TMC5: variants seen among roughly 807,000 people sequenced by gnomAD.
The protein encoded by TMC5 is transmembrane channel like 5.
A neutral mutation model predicts 110.5 loss-of-function variants in TMC5; 86 were observed. The observed-to-expected ratio is 0.78, with a 90% confidence interval of 0.65 to 0.93. TMC5 has a LOEUF of 0.93. Among genes scored for constraint, TMC5 ranks in the 40% least tolerant of loss-of-function variants. The probability of loss-of-function intolerance (pLI) is 0.00; values close to 1 mark genes in which losing one functional copy is unlikely to be tolerated. For missense variants in TMC5, 1,144 were observed against 1,222.8 expected (o/e 0.94, Z 0.96); for synonymous variants, 455 against 439.5 (o/e 1.04, Z -0.44).
At position 19,453,521 on chromosome 16, in the gene TMC5, G is replaced by A. The variant is rs370242223; in HGVS notation, c.1048+3890G>A. Among the ~76,000 whole-genome samples, 7 of 151,922 alleles carry A rather than the reference G, an allele frequency of 4.6e-5. 1 individual carries two copies. The highest frequency in any genetic ancestry group is 1.2e-4 in the African/African-American group (5 of 41,446). ...GGAGAATCACTTGAACCCGGGAGGC[G>A]GAGGTTGCCGTGAGCTGAGATCATG... On this transcript the variant is annotated intron_variant, in intron 5 of 21. Coordinates refer to ENST00000542583, the MANE Select transcript of TMC5 (RefSeq NM_001261841.2).
chr16:19,492,943 A>ATATATATATATATGTATATATATAT (rs61334845), intron 19 of TMC5, among the ~76,000 whole-genome samples: 1 of 92,078 alleles, frequency 1.1e-5, no homozygotes, highest in Admixed American at 1.1e-4. Flanking sequence ...TCTCTCTATA[A>ATATATATATATATGTATATATATAT]GATAAATACT....
intron 1 of TMC5, among the ~76,000 whole-genome samples, chr16:19,425,246 G>T (rs899355395): frequency 6.6e-6 from 1 of 151,708 alleles, no homozygotes; most frequent in Admixed American, 6.6e-5. Context: ...TAGAGAAGTT[G>T]ACTTCCTAGA....
chr16:19,492,697 C>T (rs1436454670), intron 19 of TMC5, among the ~76,000 whole-genome samples: 1 of 151,500 alleles, frequency 6.6e-6, no homozygotes, highest in Non-Finnish European at 1.5e-5. Context: ...CCACCTGCCT[C>T]CCAAAGTGCT....
At chr16:19,433,262 G>A (rs544261167) in intron 2 of TMC5, among the ~76,000 whole-genome samples, 2 of 152,308 alleles carry the variant, frequency 1.3e-5, no homozygotes, top group Admixed American at 6.5e-5. Flanking sequence ...GCAGGAACCC[G>A]GGCTGGTGAC....
chr16:19,453,928 G>A (rs973207820), intron 5 of TMC5, among the ~76,000 whole-genome samples: 5 of 151,954 alleles, frequency 3.3e-5, no homozygotes, highest in Non-Finnish European at 5.9e-5. Context: ...ATATTGCTCC[G>A]ACTGTTCTCA....
At chr16:19,413,810 T>G (rs1433006949), upstream of TMC5, among the ~76,000 whole-genome samples, 3 of 152,152 alleles carry the variant, frequency 2.0e-5, no homozygotes, top group Non-Finnish European at 4.4e-5. Context: ...ATCCTGCCTC[T>G]GCCACTTTCT....
chr16:19,419,401 G>GTTTTT (rs1382651777), intron 1 of TMC5, among the ~76,000 whole-genome samples: 1 of 91,154 alleles, frequency 1.1e-5, no homozygotes, highest in Non-Finnish European at 2.5e-5. Flanking sequence ...TGAATGTGTT[G>GTTTTT]GTTTTTTTTT....
In TMC5 at chr16:19,466,162, C is replaced by G; in HGVS notation, c.1566C>G (p.Tyr522Ter). ...TIQHGNSGAS[Y>*]NMQLAYIFTI... The stretch of plus-strand genomic sequence containing the variant: ...AGCACGGGAACAGCGGGGCATCCTA[C>G]AACATGCAGCTGGCCTACATCTTCA... The change falls in exon 9 of 22, where the codon TAC becomes TAG. Residue 522 changes from tyrosine (Y) to a stop codon, truncating the protein, a stop_gained. Coordinates refer to ENST00000542583, the MANE Select transcript of TMC5 (RefSeq NM_001261841.2). LOFTEE classifies it high-confidence loss of function. 6.2e-7 allele frequency: 1 copy of G among 1,614,140 alleles called. No homozygotes were observed. The highest frequency in any genetic ancestry group is 8.5e-7 in the Non-Finnish European group (1 of 1,180,034).
At chr16:19,443,770 A>G (rs1406945194) in intron 3 of TMC5, among the ~76,000 whole-genome samples, 1 of 151,954 alleles carries the variant, frequency 6.6e-6, no homozygotes, top group East Asian at 1.9e-4. Context: ...GTATGGTTGG[A>G]TGGATGGATG....
chr16:19,479,672 A>G (rs2143688506), intron 14 of TMC5, 144 bp downstream of exon 14: 1 of 646,264 alleles, frequency 1.5e-6, no homozygotes, highest in African/African-American at 1.8e-5. Flanking sequence ...GATACTGTTC[A>G]CTTCTAAATT....
chr16:19,472,770 G>A (rs1280124914), intron 11 of TMC5, among the ~76,000 whole-genome samples: 1 of 152,212 alleles, frequency 6.6e-6, no homozygotes, highest in Non-Finnish European at 1.5e-5. Flanking sequence ...CAGCTTACGT[G>A]TGGGGAGGGA....
intron 12 of TMC5, among the ~76,000 whole-genome samples, 184 bp from the exon 13 acceptor site, chr16:19,477,256 A>AC (rs1968511526): frequency 6.6e-6 from 1 of 150,638 alleles, no homozygotes; most frequent in Non-Finnish European, 1.5e-5. Context: ...TCAAAAAATA[A>AC]AAAAAAAAGA....
At chr16:19,463,153 C>G in intron 6 of TMC5, 127 bp from the exon 7 acceptor site, 1 of 712,198 alleles carries the variant, frequency 1.4e-6, no homozygotes, top group African/African-American at 1.7e-5. Context: ...AACTCCTGGC[C>G]TCAGTGATCC....
chr16:19,420,231 C>T (rs534250010), intron 1 of TMC5, among the ~76,000 whole-genome samples: 1 of 152,168 alleles, frequency 6.6e-6, no homozygotes, highest in African/African-American at 2.4e-5. Flanking sequence ...TCAAGACCAT[C>T]CTGGCCAACA....
Position 19,467,774 on chromosome 16 carries a change from G to A in TMC5, c.1637+1541G>A, listed in dbSNP as rs965081161. On this transcript the variant is annotated intron_variant, in intron 9 of 21. Transcript: ENST00000542583. ...TGGGATTACAGGCGTGAGCCACTGC[G>A]CCCGGCCTGTAATTACCACTTTAAA... Among the ~76,000 whole-genome samples, 3 of 152,040 alleles carry A rather than the reference G, an allele frequency of 2.0e-5. No individual in the cohort carries two copies. In the East Asian group the frequency reaches 5.8e-4, roughly 29 times the overall value.
Sources: gnomAD v4.1 joint callset for allele counts (sites outside exome capture counted in the v4.1 genomes callset) on GRCh38, gnomAD v4.1.1 for gene constraint, MANE v1.5 for transcripts, NCBI Gene and HGNC (gene_info 2026-07-23, HGNC 2026-07-21) for gene names.